RBL2: variants seen among roughly 807,000 people sequenced by gnomAD.
The protein encoded by RBL2 is RB transcriptional corepressor like 2, also known as retinoblastoma-like protein 2.
RBL2 carries 56 observed loss-of-function variants against 126.0 expected under a neutral mutation model. That is an observed-to-expected ratio of 0.44 (90% CI 0.36 to 0.56). The LOEUF is 0.56. Among genes scored for constraint, RBL2 ranks in the 20% least tolerant of loss-of-function variants. RBL2 has a pLI of 0.00. For synonymous variants in RBL2, 454 were observed against 478.5 expected (o/e 0.95, Z 0.67); for missense variants, 1,229 against 1,398.2 (o/e 0.88, Z 1.93).
In RBL2 at chr16:53,490,244, C is replaced by T. The variant is rs1256575391; in HGVS notation, c.3364C>T (p.His1122Tyr). ...TGCAAAAAGAATTTGCCCAGAAAAT[C>T]ATTCTGCCTTATTACGCCGTCTCCA... is the stretch of plus-strand genomic sequence containing the variant. ...SPAKRICPENHSALLRRLQDV... is the reference protein window; with the variant it reads ...SPAKRICPENYSALLRRLQDV... Residue 1122 changes from histidine (H) to tyrosine (Y), a missense_variant, in exon 22 of 22, where the codon CAT (histidine) becomes TAT (tyrosine). Transcript: ENST00000262133. The T allele has an allele frequency of 6.2e-7, 1 of 1,612,748 alleles. No individual in the cohort carries two copies. Among genetic ancestry groups the T allele is most frequent in the Admixed American group, 1.7e-5 (1 of 59,846 alleles).
chr16:53,483,039 A>AAAG (rs1961018638), intron 21 of RBL2, among the ~76,000 whole-genome samples: 2 of 151,312 alleles, frequency 1.3e-5, no homozygotes, highest in Non-Finnish European at 1.5e-5. Context: ...TTTTTTTTTA[A>AAAG]AAGTTTCTTT....
intron 20 of RBL2, 113 bp from the exon 21 acceptor site, chr16:53,481,556 ACT>A (rs894099014): frequency 1.2e-5 from 11 of 939,538 alleles, no homozygotes; most frequent in African/African-American, 8.4e-5. Flanking sequence ...CTAATACATC[ACT>A]CTGTCATTCA....
intron 5 of RBL2, among the ~76,000 whole-genome samples, chr16:53,453,220 A>G (rs773702506): frequency 1.6e-4 from 24 of 152,206 alleles, no homozygotes; most frequent in Non-Finnish European, 2.9e-4. Flanking sequence ...TCCCTTAACC[A>G]TCTCTACATA....
intron 21 of RBL2, among the ~76,000 whole-genome samples, chr16:53,483,928 A>T (rs1177937652): frequency 2.3e-5 from 1 of 42,680 alleles, no homozygotes; most frequent in Non-Finnish European, 5.2e-5. Flanking sequence ...TATCATAGTA[A>T]AAAAAAAAAA....
At chr16:53,465,916 C>CT (rs1309335521) in intron 13 of RBL2, 1 of 178,910 alleles carries the variant, frequency 5.6e-6, no homozygotes, top group Non-Finnish European at 1.2e-5. Context: ...AGCAGGACAG[C>CT]TCTAGAGATC....
chr16:53,451,736 A>G lies in RBL2; in HGVS notation c.671A>G (p.Asn224Ser), dbSNP rs1472123357. Residue 224 changes from asparagine (N) to serine (S), a missense_variant, in exon 5 of 22, where the codon AAT (asparagine) becomes AGT (serine). Asn to Ser is a conservative substitution (Grantham distance 46). Transcript: ENST00000262133. ...NFPMISDDLVNSYHLLLCALD... is the reference protein window; with the variant it reads ...NFPMISDDLVSSYHLLLCALD... ...CCCATGATTAGTGATGATTTGGTCAATTCTTATCACCTGCTGCTGTGTGCT... is the reference window on the plus strand; with the variant it reads ...CCCATGATTAGTGATGATTTGGTCAGTTCTTATCACCTGCTGCTGTGTGCT... 3.1e-6 allele frequency: 5 copies of G among 1,613,408 alleles called. No individual in the cohort carries two copies. Among genetic ancestry groups the G allele is most frequent in the Middle Eastern group, 1.6e-4 (1 of 6,074 alleles).
intron 17 of RBL2, among the ~76,000 whole-genome samples, chr16:53,473,578 G>C (rs1274799549): frequency 6.6e-6 from 1 of 151,520 alleles, no homozygotes; most frequent in African/African-American, 2.4e-5. Flanking sequence ...GGATTACTAT[G>C]TAGGAAATCA....
rs1213898728 is a variant in RBL2, at chr16:53,457,277, T to TTTTTTTTTTTTTTTTTTTTG, written c.1180-2174_1180-2173insTTTTTTTTTTTTTTTTTTTG. Among the ~76,000 whole-genome samples, 3 of 139,978 alleles carry TTTTTTTTTTTTTTTTTTTTG rather than the reference T, an allele frequency of 2.1e-5. 1 individual carries two copies. Among genetic ancestry groups the TTTTTTTTTTTTTTTTTTTTG allele is most frequent in the Non-Finnish European group, 3.1e-5 (2 of 64,148 alleles). 91.8% of individuals were successfully genotyped at this position (139,978 alleles called of 152,430 possible). On this transcript the variant is annotated intron_variant, in intron 8 of 21. Transcript: ENST00000262133. ...AGATAGCTTTTTTTTTTTTTTTTTT[T>TTTTTTTTTTTTTTTTTTTTG]GAGATGGAGTCTCGCTCTGTCACCC...
chr16:53,470,711 T>C (rs2058314566), intron 16 of RBL2, 35 bp from the exon 17 acceptor site: 2 of 1,612,410 alleles, frequency 1.2e-6, no homozygotes, highest in Non-Finnish European at 1.7e-6. Context: ...GAAATACAAG[T>C]GTTAAACAAA....
chr16:53,448,490 AT>A (rs1465662412), intron 4 of RBL2, among the ~76,000 whole-genome samples: 1 of 138,800 alleles, frequency 7.2e-6, no homozygotes, highest in African/African-American at 2.7e-5. Flanking sequence ...TTTTATTTTT[AT>A]TTTTATTTTT....
At chr16:53,482,812 CAAAAA>C (rs11366467) in intron 21 of RBL2, among the ~76,000 whole-genome samples, 1 of 94,504 alleles carries the variant, frequency 1.1e-5, no homozygotes, top group African/African-American at 3.4e-5. Context: ...CTCACTGTCT[CAAAAA>C]AAAAAAAAAA....
At chr16:53,457,347 C>T (rs765148476) in intron 8 of RBL2, among the ~76,000 whole-genome samples, 2 of 147,498 alleles carry the variant, frequency 1.4e-5, no homozygotes, top group Non-Finnish European at 3.0e-5. Flanking sequence ...GTGACCTCTG[C>T]CACCTGGGTT....
intron 14 of RBL2, among the ~76,000 whole-genome samples, chr16:53,469,532 G>A (rs2058301246): frequency 6.6e-6 from 1 of 152,130 alleles, no homozygotes; most frequent in Non-Finnish European, 1.5e-5. Context: ...TGAGTGGTAG[G>A]TAGAAAGTGG....
chr16:53,467,185 TAGG>T lies in RBL2; in HGVS notation c.1975+19_1975+21del, dbSNP rs1240619978. 1 of 1,578,676 alleles carries T rather than the reference TAGG, an allele frequency of 6.3e-7. No individual in the cohort carries two copies. The highest frequency in any genetic ancestry group is 8.7e-7 in the Non-Finnish European group (1 of 1,149,976). ...CTTGGAAGGAGTAAGTTTAAAATACTAGGAGAATATTTTGGGGCTTACTATCTG... is the reference window on the plus strand; with the variant it reads ...CTTGGAAGGAGTAAGTTTAAAATACTAGAATATTTTGGGGCTTACTATCTG... On this transcript the variant is annotated intron_variant, in intron 14 of 21. Transcript: ENST00000262133.
At chr16:53,470,353 T>G (rs765241776) in intron 15 of RBL2, 30 bp from the exon 16 acceptor site, 4 of 1,602,766 alleles carry the variant, frequency 2.5e-6, no homozygotes, top group Non-Finnish European at 3.4e-6. Context: ...TTATCAACAT[T>G]TTCTTCATGC....
intron 18 of RBL2, 75 bp downstream of exon 18, chr16:53,479,300 G>T: frequency 1.5e-6 from 2 of 1,350,244 alleles, no homozygotes; most frequent in South Asian, 2.4e-5. Flanking sequence ...AACCATAGTT[G>T]ACTCTGTGGC....
At chr16:53,460,651 C>T (rs2058210859) in intron 9 of RBL2, among the ~76,000 whole-genome samples, 1 of 152,034 alleles carries the variant, frequency 6.6e-6, no homozygotes, top group Non-Finnish European at 1.5e-5. Flanking sequence ...ATAAATATTA[C>T]CAGTAAATAC....
In RBL2 at chr16:53,481,722, C is replaced by T. The variant is rs746994781; in HGVS notation, c.3136C>T (p.Arg1046Cys). ...PYPFVRTGSP[R>C]RIQLSQNHPV... The stretch of plus-strand genomic sequence containing the variant: ...TCCATTTGTAAGAACAGGCTCCCCT[C>T]GCCGAATACAGTTGTCTCAAAATCA... The change falls in exon 21 of 22, where the codon CGC (arginine) becomes TGC (cysteine). Residue 1046 changes from arginine to cysteine, a missense_variant. Arg to Cys is a radical substitution (Grantham distance 180, BLOSUM62 -3). This residue lies in a region of RBL2 where 1,070 missense variants were observed against 1,274.3 expected (regional missense o/e 0.84). Transcript: ENST00000262133. 9.9e-6 allele frequency: 16 copies of T among 1,610,568 alleles called. No homozygotes were observed. The highest frequency in any genetic ancestry group is 4.5e-5 in the East Asian group (2 of 44,854).
intron 3 of RBL2, chr16:53,446,052 A>C (rs2058059272): frequency 6.6e-6 from 1 of 152,244 alleles, no homozygotes; most frequent in Non-Finnish European, 1.5e-5. Context: ...AAAGCAGTAA[A>C]GCAAGAAGAA....
Sources: gnomAD v4.1 joint callset for allele counts (sites outside exome capture counted in the v4.1 genomes callset) on GRCh38, gnomAD v4.1.1 for gene constraint, gnomAD v4.1.1 regional missense constraint, MANE v1.5 for transcripts, NCBI Gene and HGNC (gene_info 2026-07-23, HGNC 2026-07-21) for gene names.